Variants in MRPS27 observed in about 807,000 individuals in gnomAD.
MRPS27 encodes small ribosomal subunit protein mS27.
A neutral mutation model predicts 48.9 loss-of-function variants in MRPS27; 43 were observed. The observed-to-expected ratio is 0.88, with a 90% confidence interval of 0.69 to 1.13. MRPS27 has a LOEUF of 1.13. Ranked by LOEUF, MRPS27 falls within the 50% of genes most tolerant of loss-of-function variation. The pLI is 0.00. For synonymous variants in MRPS27, 188 were observed against 171.9 expected, an observed-to-expected ratio of 1.09 and a Z score of -0.73; for missense variants, 467 against 476.3, an observed-to-expected ratio of 0.98 and a Z score of 0.18.
At position 72,239,093 on chromosome 5, in the gene MRPS27, G is replaced by A. The variant is rs540715987; in HGVS notation, c.282-965C>T. Among the ~76,000 whole-genome samples, 8 of 152,148 alleles carry A rather than the reference G, an allele frequency of 5.3e-5. No homozygotes were observed. The South Asian group carries it at 1.0e-3, about 20-fold the overall frequency. ...GAATCATTCAGGAAGCAGGCCAATC[G>A]CTGGGCTCCACAAAAATCAAACTCT... On this transcript the variant is annotated intron_variant, in intron 4 of 10. Coordinates refer to ENST00000261413, the MANE Select transcript of MRPS27 (RefSeq NM_015084.3).
chr5:72,260,493 G>A (rs571153433), intron 4 of MRPS27, among the ~76,000 whole-genome samples: 11 of 152,212 alleles, frequency 7.2e-5, no homozygotes, highest in African/African-American at 2.7e-4. Flanking sequence ...TTACTTTTCA[G>A]CTGCTACGGT....
rs147837273 is a variant in MRPS27, at chr5:72,238,495, G to T, written c.282-367C>A. Among the ~76,000 whole-genome samples, 303 of 152,266 alleles carry T rather than the reference G, an allele frequency of 2.0e-3. 1 individual carries two copies. Among genetic ancestry groups the T allele is most frequent in the African/African-American group, 7.1e-3 (295 of 41,566 alleles). On this transcript the variant is annotated intron_variant, in intron 4 of 10. Coordinates refer to ENST00000261413, the MANE Select transcript of MRPS27 (RefSeq NM_015084.3). ...TGAAGCTTAAGCTGAAACTTTGGAA[G>T]TTTAAAACAAATGAAGAAAATGAAA...
rs151242768 is a variant in MRPS27, at chr5:72,243,459, G to C, written c.282-5331C>G. ...AATTTTGATGAGATAATTTTCTAAT[G>C]ACTATTATATTTTTGTCAAGTACTT... On this transcript the variant is annotated intron_variant, in intron 4 of 10. Coordinates refer to ENST00000261413, the MANE Select transcript of MRPS27 (RefSeq NM_015084.3). Among the ~76,000 whole-genome samples the C allele has an allele frequency of 3.7e-3, 567 of 152,110 alleles. 1 individual carries two copies. The highest frequency in any genetic ancestry group is 0.013 in the African/African-American group (551 of 41,502).
chr5:72,232,484 A>G lies in MRPS27; in HGVS notation c.550T>C (p.Tyr184His), dbSNP rs1249088284. The change falls in exon 7 of 11, where the codon TAT becomes CAT. Residue 184 changes from tyrosine to histidine, a missense_variant. Coordinates refer to ENST00000261413, the MANE Select transcript of MRPS27 (RefSeq NM_015084.3). ...EVPSTQLLSL[Y>H]VLFHCLAKKT... ...TTTGCCAGGCAATGAAATAAAACAT[A>G]GAGGGAGAGAAGTTGGGTGGAAGGC... The G allele has an allele frequency of 1.2e-6, 2 of 1,612,602 alleles. No individual in the cohort carries two copies. Among genetic ancestry groups the G allele is most frequent in the African/African-American group, 2.7e-5 (2 of 74,826 alleles).
chr5:72,273,628 T>G (rs1465255836), intron 4 of MRPS27, among the ~76,000 whole-genome samples: 1 of 152,190 alleles, frequency 6.6e-6, no homozygotes, highest in Non-Finnish European at 1.5e-5. Flanking sequence ...TCTAAACGTA[T>G]CTAAACATAG....
At chr5:72,308,629 T>G (rs948287371) in intron 2 of MRPS27, among the ~76,000 whole-genome samples, 1 of 152,086 alleles carries the variant, frequency 6.6e-6, no homozygotes, top group African/African-American at 2.4e-5. Context: ...CCACGGGCGC[T>G]CTCCCTACCA....
intron 3 of MRPS27, 94 bp from the exon 4 acceptor site, chr5:72,295,683 G>T: frequency 1.1e-6 from 1 of 885,564 alleles, no homozygotes; most frequent in South Asian, 1.5e-5. Flanking sequence ...AGAAAACACA[G>T]GACACCCATT....
chr5:72,312,814 T>C (rs1750475546), intron 2 of MRPS27, among the ~76,000 whole-genome samples: 1 of 152,060 alleles, frequency 6.6e-6, no homozygotes, highest in Non-Finnish European at 1.5e-5. Context: ...CAGACGGGGT[T>C]TCATCATCTT....
intron 2 of MRPS27, among the ~76,000 whole-genome samples, chr5:72,307,673 T>TAA (rs58455541): frequency 0.015 from 2,265 of 146,452 alleles, 63 homozygotes; most frequent in African/African-American, 0.052. Context: ...GTTAAAACAC[T>TAA]AAAAAAAAAA....
chr5:72,308,625 G>A (rs1561364645), intron 2 of MRPS27, among the ~76,000 whole-genome samples: 1 of 152,228 alleles, frequency 6.6e-6, no homozygotes, highest in Admixed American at 6.5e-5. Context: ...GGAGCCACGG[G>A]CGCTCTCCCT....
chr5:72,224,212 A>C (rs1258594360), intron 9 of MRPS27, among the ~76,000 whole-genome samples: 1 of 150,286 alleles, frequency 6.7e-6, no homozygotes, highest in African/African-American at 2.5e-5. Flanking sequence ...AAAAAAAAAA[A>C]GCCAAGCATG....
At chr5:72,228,042 C>A in intron 8 of MRPS27, 1 of 562,946 alleles carries the variant, frequency 1.8e-6, no homozygotes. Flanking sequence ...CCTATATCCA[C>A]CAGAACTAGT....
At chr5:72,222,690 G>C in intron 10 of MRPS27, among the ~76,000 whole-genome samples, 1 of 152,106 alleles carries the variant, frequency 6.6e-6, no homozygotes. Context: ...GAGCCTGAAG[G>C]GGCAGGCATG....
chr5:72,225,505 G>C (rs1747868758), intron 9 of MRPS27, among the ~76,000 whole-genome samples: 1 of 152,180 alleles, frequency 6.6e-6, no homozygotes, highest in Non-Finnish European at 1.5e-5. Context: ...AGGTGACCAA[G>C]AGGCATGAGC....
rs1408985495 is a variant in MRPS27, at chr5:72,241,768, G to T, written c.282-3640C>A. ...TTTGCCTGCAAACAGACTGGCTTTT[G>T]TTCTCGCCTGCTCTGACCACCAGCC... On this transcript the variant is annotated intron_variant, in intron 4 of 10. Coordinates refer to ENST00000261413, the MANE Select transcript of MRPS27 (RefSeq NM_015084.3). 6 of 1,367,774 alleles carry T rather than the reference G, an allele frequency of 4.4e-6. No homozygotes were observed. In the Admixed American group the frequency reaches 9.9e-5, roughly 23 times the overall value. The allele number at this position is 1,367,774 out of a possible 1,614,324, so 84.7% of individuals were successfully genotyped here.
intron 4 of MRPS27, among the ~76,000 whole-genome samples, chr5:72,285,905 C>T (rs1749659722): frequency 6.6e-6 from 1 of 152,192 alleles, no homozygotes; most frequent in Non-Finnish European, 1.5e-5. Context: ...AAAATACTCT[C>T]AAAGCCTCTA....
chr5:72,234,999 C>T (rs1748163273), intron 5 of MRPS27, among the ~76,000 whole-genome samples: 1 of 152,118 alleles, frequency 6.6e-6, no homozygotes, highest in Non-Finnish European at 1.5e-5. Context: ...GTAGAAACAC[C>T]TGAGGAATTT....
At chr5:72,226,485 G>A (rs1747901975) in intron 8 of MRPS27, among the ~76,000 whole-genome samples, 1 of 152,058 alleles carries the variant, frequency 6.6e-6, no homozygotes, top group Non-Finnish European at 1.5e-5. Flanking sequence ...CTGGGCTGAG[G>A]GCAATTGAGA....
At chr5:72,290,868 T>A (rs1322266069) in intron 4 of MRPS27, among the ~76,000 whole-genome samples, 1 of 152,262 alleles carries the variant, frequency 6.6e-6, no homozygotes, top group Non-Finnish European at 1.5e-5. Context: ...TCAGCAGCTG[T>A]TAGCTGAGCT....
Sources: gnomAD v4.1 joint callset for allele counts (sites outside exome capture counted in the v4.1 genomes callset) on GRCh38, gnomAD v4.1.1 for gene constraint, MANE v1.5 for transcripts, NCBI Gene and HGNC (gene_info 2026-07-23, HGNC 2026-07-21) for gene names.